SLC25A13: variants seen among roughly 807,000 people sequenced by gnomAD.
SLC25A13 encodes the protein solute carrier family 25 member 13.
A neutral mutation model predicts 85.5 loss-of-function variants in SLC25A13; 70 were observed. The observed-to-expected ratio is 0.82, with a 90% confidence interval of 0.68 to 1.00. The LOEUF (loss-of-function observed/expected upper bound fraction) is 1.00, where lower values mean the gene tolerates loss of function less well. Among genes scored for constraint, SLC25A13 ranks in the 50% least tolerant of loss-of-function variants. The pLI is 0.00. For synonymous variants in SLC25A13, 259 were observed against 288.7 expected, an observed-to-expected ratio of 0.90 and a Z score of 1.04; for missense variants, 765 against 819.8, an observed-to-expected ratio of 0.93 and a Z score of 0.82.
In SLC25A13 at chr7:96,184,908, T is replaced by C; in HGVS notation, c.1018+19A>G. ...TAGGAATAACAAAAGTGAAAATTTT[T>C]CTCTCATCCATGACTAACCTCCAGC... is the stretch of plus-strand genomic sequence containing the variant. On this transcript the variant is annotated intron_variant, in intron 10 of 17. Transcript: ENST00000265631. The C allele has an allele frequency of 6.3e-7, 1 of 1,599,690 alleles. No homozygotes were observed. Among genetic ancestry groups the C allele is most frequent in the African/African-American group, 1.3e-5 (1 of 74,754 alleles).
At chr7:96,212,544 G>A (rs142500095) in intron 4 of SLC25A13, among the ~76,000 whole-genome samples, 1 of 152,192 alleles carries the variant, frequency 6.6e-6, no homozygotes, top group South Asian at 2.1e-4. Flanking sequence ...GGACCTGAAA[G>A]GTGTCAAGGA....
chr7:96,156,633 A>C lies in SLC25A13; in HGVS notation c.1312-9937T>G, dbSNP rs1205248238. On this transcript the variant is annotated intron_variant, in intron 13 of 17. Coordinates refer to ENST00000265631, the MANE Select transcript of SLC25A13 (RefSeq NM_014251.3). ...CGCCTGGCTAATTTTTTGTGTTTTTAGTAGAGACGGGGTTTCACTGTGTTA... is the reference window on the plus strand; with the variant it reads ...CGCCTGGCTAATTTTTTGTGTTTTTCGTAGAGACGGGGTTTCACTGTGTTA... Among the ~76,000 whole-genome samples the C allele has an allele frequency of 2.6e-5, 4 of 152,184 alleles. No individual in the cohort carries two copies. In the East Asian group the frequency reaches 7.7e-4, roughly 29 times the overall value.
At chr7:96,150,044 A>G (rs549235542) in intron 13 of SLC25A13, among the ~76,000 whole-genome samples, 1 of 152,154 alleles carries the variant, frequency 6.6e-6, no homozygotes, top group South Asian at 2.1e-4. Flanking sequence ...ACATGGGAAA[A>G]TATTCCATAC....
At chr7:96,288,300 T>C (rs1011923754) in intron 2 of SLC25A13, among the ~76,000 whole-genome samples, 1 of 152,180 alleles carries the variant, frequency 6.6e-6, no homozygotes, top group Admixed American at 6.5e-5. Flanking sequence ...GGTTCCAAGA[T>C]GGCCGAATAG....
intron 13 of SLC25A13, among the ~76,000 whole-genome samples, chr7:96,160,976 T>C (rs78382679): frequency 2.4e-5 from 1 of 42,356 alleles, no homozygotes; most frequent in African/African-American, 1.8e-4. Context: ...AGGTTAGCAT[T>C]TTTTTTTTTT....
rs561009570 is a variant in SLC25A13 at position 96,222,847 on chromosome 7, A to T, written c.328+11955T>A. Among the ~76,000 whole-genome samples, 251 of 152,350 alleles carry T rather than the reference A, an allele frequency of 1.6e-3. 2 individuals carry two copies. Among genetic ancestry groups the T allele is most frequent in the Admixed American group, 1.7e-3 (26 of 15,306 alleles). ...TTGTATTATATATAGGTTGTCTGAT[A>T]CATTTTGTTTCTTCATATATCCAAA... On this transcript the variant is annotated intron_variant, in intron 4 of 17. Coordinates refer to ENST00000265631, the MANE Select transcript of SLC25A13 (RefSeq NM_014251.3).
chr7:96,126,011 T>C (rs1791712848), intron 15 of SLC25A13, among the ~76,000 whole-genome samples: 1 of 152,228 alleles, frequency 6.6e-6, no homozygotes, highest in South Asian at 2.1e-4. Context: ...TCTGTTCACT[T>C]ACTTTGTTGC....
chr7:96,200,782 AGT>A (rs1235210567), intron 5 of SLC25A13, among the ~76,000 whole-genome samples: 1 of 152,166 alleles, frequency 6.6e-6, no homozygotes, highest in Non-Finnish European at 1.5e-5. Context: ...TGCTGTATAG[AGT>A]GTTCATTTTT....
rs767411822 is a variant in SLC25A13 at position 96,191,175 on chromosome 7, T to C, written c.688A>G (p.Met230Val). 4 of 1,614,082 alleles carry C rather than the reference T, an allele frequency of 2.5e-6. No individual in the cohort carries two copies. Among genetic ancestry groups the C allele is most frequent in the South Asian group, 1.1e-5 (1 of 91,080 alleles). The change falls in exon 7 of 18, where the codon ATG (methionine) becomes GTG (valine). Residue 230 changes from methionine (M) to valine (V), a missense_variant. Transcript: ENST00000265631. ...FNGFNSLLNNMELIRKIYSTL... is the reference protein window; with the variant it reads ...FNGFNSLLNNVELIRKIYSTL... ...CTATAGATCTTTCTAATGAGTTCCATGTTGTTAAGGAGCGAATTAAATCCA... is the reference window on the plus strand; with the variant it reads ...CTATAGATCTTTCTAATGAGTTCCACGTTGTTAAGGAGCGAATTAAATCCA...
At chr7:96,225,330 A>G (rs1796292058) in intron 4 of SLC25A13, among the ~76,000 whole-genome samples, 1 of 152,074 alleles carries the variant, frequency 6.6e-6, no homozygotes, top group African/African-American at 2.4e-5. Flanking sequence ...GGATTGCTTG[A>G]GCCTAGGAGT....
At chr7:96,135,111 A>C (rs1277359118) in intron 14 of SLC25A13, among the ~76,000 whole-genome samples, 1 of 152,172 alleles carries the variant, frequency 6.6e-6, no homozygotes, top group Non-Finnish European at 1.5e-5. Flanking sequence ...ACCAAAGGCC[A>C]TCTTCTTCAG....
intron 1 of SLC25A13, among the ~76,000 whole-genome samples, chr7:96,299,001 TGGAAGTAC>T: frequency 6.6e-6 from 1 of 152,192 alleles, no homozygotes; most frequent in Non-Finnish European, 1.5e-5. Context: ...CCACATCTCA[TGGAAGTAC>T]ATAACACTTT....
At chr7:96,212,538 C>G (rs1479713198) in intron 4 of SLC25A13, among the ~76,000 whole-genome samples, 1 of 152,144 alleles carries the variant, frequency 6.6e-6, no homozygotes, top group Non-Finnish European at 1.5e-5. Flanking sequence ...GATCTGGGAC[C>G]TGAAAGGTGT....
chr7:96,251,578 A>G (rs1797429265), intron 3 of SLC25A13, among the ~76,000 whole-genome samples: 1 of 152,190 alleles, frequency 6.6e-6, no homozygotes, highest in Non-Finnish European at 1.5e-5. Context: ...GGGTCACATC[A>G]TTGGGTGTTG....
intron 13 of SLC25A13, among the ~76,000 whole-genome samples, chr7:96,147,764 T>C (rs973410702): frequency 6.6e-6 from 1 of 152,206 alleles, no homozygotes; most frequent in Non-Finnish European, 1.5e-5. Context: ...ATGGAGATAC[T>C]ATGCAGTCAA....
intron 11 of SLC25A13, among the ~76,000 whole-genome samples, 171 bp downstream of exon 11, chr7:96,184,106 G>T (rs1048570004): frequency 6.6e-6 from 1 of 152,160 alleles, no homozygotes; most frequent in African/African-American, 2.4e-5. Flanking sequence ...GGGCTGTTTT[G>T]ATTAGCCAAG....
intron 3 of SLC25A13, among the ~76,000 whole-genome samples, chr7:96,258,430 AGAGAGCC>A (rs1331942256): frequency 6.6e-6 from 1 of 152,202 alleles, no homozygotes; most frequent in Non-Finnish European, 1.5e-5. Flanking sequence ...AATAAAAGAC[AGAGAGCC>A]AGATCATGAG....
At chr7:96,183,525 T>A (rs1246899588) in intron 11 of SLC25A13, among the ~76,000 whole-genome samples, 1 of 152,206 alleles carries the variant, frequency 6.6e-6, no homozygotes, top group Non-Finnish European at 1.5e-5. Flanking sequence ...CTTGTGATAC[T>A]GTATTTTAAC....
chr7:96,155,789 G>A (rs1351054647), intron 13 of SLC25A13, among the ~76,000 whole-genome samples: 2 of 152,208 alleles, frequency 1.3e-5, no homozygotes, highest in East Asian at 3.8e-4. Flanking sequence ...AGGAGGCACT[G>A]TGCTAAACTC....
Sources: gnomAD v4.1 joint callset for allele counts (sites outside exome capture counted in the v4.1 genomes callset) on GRCh38, gnomAD v4.1.1 for gene constraint, MANE v1.5 for transcripts, NCBI Gene and HGNC (gene_info 2026-07-23, HGNC 2026-07-21) for gene names.